The following OPCML variants were observed in gnomAD, a reference collection of about 807,000 sequenced individuals.
The protein encoded by OPCML is opioid-binding protein/cell adhesion molecule.
A neutral mutation model predicts 37.8 loss-of-function variants in OPCML; 13 were observed. The ratio of observed to expected loss-of-function variants is 0.34; its 90% confidence interval spans 0.22 to 0.55. The LOEUF is 0.55. Among genes scored for constraint, OPCML ranks in the 20% least tolerant of loss-of-function variants. The pLI, the probability that OPCML is intolerant of heterozygous loss-of-function variation, is 0.91. For synonymous variants in OPCML, 176 were observed against 168.8 expected (o/e 1.04, Z -0.33); for missense variants, 341 against 435.6 (o/e 0.78, Z 1.93).
intron 3 of OPCML, among the ~76,000 whole-genome samples, chr11:132,584,148 A>T (rs2096467608): frequency 6.6e-6 from 1 of 152,204 alleles, no homozygotes; most frequent in Non-Finnish European, 1.5e-5. Flanking sequence ...TGGCTAAAGA[A>T]CAAAATGAGG....
chr11:133,488,898 G>A (rs1372259000), intron 1 of OPCML, among the ~76,000 whole-genome samples: 2 of 143,758 alleles, frequency 1.4e-5, no homozygotes, highest in African/African-American at 5.2e-5. Flanking sequence ...GGACAGAAGA[G>A]AGAACCCACC....
At chr11:132,567,510 C>A (rs568975040) in intron 3 of OPCML, among the ~76,000 whole-genome samples, 1 of 152,030 alleles carries the variant, frequency 6.6e-6, no homozygotes, top group East Asian at 1.9e-4. Context: ...CAAGGGACAA[C>A]TAGATAGGTC....
intron 1 of OPCML, among the ~76,000 whole-genome samples, chr11:133,340,371 C>A (rs1009481407): frequency 6.6e-6 from 1 of 152,140 alleles, no homozygotes; most frequent in African/African-American, 2.4e-5. Context: ...GGTGTGGAAT[C>A]GATGGCAAAG....
At chr11:132,476,861 T>A (rs933143250) in intron 4 of OPCML, among the ~76,000 whole-genome samples, 9 of 152,102 alleles carry the variant, frequency 5.9e-5, no homozygotes, top group East Asian at 1.9e-4. Flanking sequence ...TTAAAAAAAA[T>A]TAAAAAAAGT....
At chr11:132,721,766 G>A (rs1944677683) in intron 2 of OPCML, among the ~76,000 whole-genome samples, 1 of 151,926 alleles carries the variant, frequency 6.6e-6, no homozygotes, top group African/African-American at 2.4e-5. Flanking sequence ...AGACTGAATA[G>A]GAAAATAAGA....
intron 1 of OPCML, among the ~76,000 whole-genome samples, chr11:132,998,574 GT>G (rs1565389578): frequency 6.6e-6 from 1 of 152,078 alleles, no homozygotes; most frequent in East Asian, 1.9e-4. Context: ...TCATGTTGTC[GT>G]TAGGCATAAA....
At chr11:132,748,885 C>T (rs996476530) in intron 2 of OPCML, among the ~76,000 whole-genome samples, 1 of 152,136 alleles carries the variant, frequency 6.6e-6, no homozygotes, top group Admixed American at 6.5e-5. Flanking sequence ...GAAGGAGCTC[C>T]ATGTGCAGAT....
At chr11:132,824,874 T>C (rs148097646) in intron 2 of OPCML, among the ~76,000 whole-genome samples, 1,762 of 152,268 alleles carry the variant, frequency 0.012, 21 homozygotes, top group Non-Finnish European at 0.019. Context: ...CTTCAGTTTA[T>C]CCACCTGTCT....
At chr11:133,529,835 A>G (rs1372769211) in intron 1 of OPCML, among the ~76,000 whole-genome samples, 1 of 152,240 alleles carries the variant, frequency 6.6e-6, no homozygotes, top group African/African-American at 2.4e-5. Context: ...AAGAGAAAGG[A>G]GAAGTCGCAA....
At chr11:133,022,630 G>A (rs1458336071) in intron 1 of OPCML, among the ~76,000 whole-genome samples, 2 of 152,056 alleles carry the variant, frequency 1.3e-5, no homozygotes, top group South Asian at 2.1e-4. Context: ...CAACCAAGGT[G>A]GAACAGAAGT....
intron 2 of OPCML, among the ~76,000 whole-genome samples, chr11:132,747,480 A>T (rs1312361305): frequency 6.6e-6 from 1 of 152,170 alleles, no homozygotes; most frequent in African/African-American, 2.4e-5. Flanking sequence ...CTTTTTGTCA[A>T]ATAGGATCCC....
At position 132,895,255 on chromosome 11, in the gene OPCML, A is replaced by G. The variant is rs2136475249; in HGVS notation, c.146+47671T>C. ...AGACAAGAAACTTGGTGACTTCTAT[A>G]TATGATACCCTTAACATTTGTGCAG... On this transcript the variant is annotated intron_variant, in intron 2 of 7. Transcript: ENST00000524381. Among the ~76,000 whole-genome samples, 2 of 152,350 alleles carry G rather than the reference A, an allele frequency of 1.3e-5. 1 individual carries two copies. Among genetic ancestry groups the G allele is most frequent in the Middle Eastern group, 6.8e-3 (2 of 294 alleles).
intron 1 of OPCML, among the ~76,000 whole-genome samples, chr11:133,323,222 G>A (rs1943374237): frequency 6.6e-6 from 1 of 152,088 alleles, no homozygotes; most frequent in African/African-American, 2.4e-5. Flanking sequence ...TCCACATGAG[G>A]GTATCTGGTG....
chr11:132,735,919 A>G (rs1456769919), intron 2 of OPCML, among the ~76,000 whole-genome samples: 1 of 152,210 alleles, frequency 6.6e-6, no homozygotes, highest in African/African-American at 2.4e-5. Context: ...CTCAGTTGTG[A>G]ACAAGACTGC....
intron 1 of OPCML, among the ~76,000 whole-genome samples, chr11:133,458,823 G>A (rs1171782398): frequency 6.8e-6 from 1 of 146,632 alleles, no homozygotes; most frequent in Non-Finnish European, 1.5e-5. Flanking sequence ...ATAGATGCAC[G>A]TGTGTGTGTA....
intron 2 of OPCML, among the ~76,000 whole-genome samples, chr11:132,708,011 C>T (rs1287207163): frequency 6.6e-6 from 1 of 152,078 alleles, no homozygotes; most frequent in Non-Finnish European, 1.5e-5. Context: ...GTAGAATTTT[C>T]AGAATGATAA....
intron 2 of OPCML, among the ~76,000 whole-genome samples, chr11:132,867,601 A>G (rs1346395245): frequency 1.3e-5 from 2 of 152,146 alleles, no homozygotes; most frequent in South Asian, 2.1e-4. Flanking sequence ...ATCTGCTGCA[A>G]TTTTCTAACA....
chr11:133,024,415 G>C, intron 1 of OPCML: 2 of 985,212 alleles, frequency 2.0e-6, no homozygotes, highest in Non-Finnish European at 2.4e-6. Context: ...TTTAGACATG[G>C]AGGAATTGTA....
chr11:133,394,768 C>A (rs1402290482), intron 1 of OPCML, among the ~76,000 whole-genome samples: 1 of 152,208 alleles, frequency 6.6e-6, no homozygotes, highest in Non-Finnish European at 1.5e-5. Flanking sequence ...TTTCTTCATT[C>A]ATCTGTTGAT....
Sources: allele counts gnomAD v4.1 joint callset (sites outside exome capture counted in the v4.1 genomes callset), GRCh38; gene constraint gnomAD v4.1.1; transcripts MANE v1.5; gene names NCBI Gene and HGNC (gene_info 2026-07-23, HGNC 2026-07-21).